The following PBX1 variants were observed in gnomAD, a reference collection of about 807,000 sequenced individuals.
PBX1 encodes the protein pre-B-cell leukemia transcription factor 1.
Under a neutral mutation model 53.4 loss-of-function variants are expected in PBX1, and 6 were observed. The observed-to-expected ratio is 0.11, with a 90% confidence interval of 0.06 to 0.22. PBX1 has a LOEUF of 0.22. Ranked by LOEUF, PBX1 falls within the 10% of genes least tolerant of loss-of-function variation. The probability of loss-of-function intolerance (pLI) is 1.00; values close to 1 mark genes in which losing one functional copy is unlikely to be tolerated. For synonymous variants in PBX1, 204 were observed against 212.3 expected, an observed-to-expected ratio of 0.96 and a Z score of 0.34; for missense variants, 251 against 551.4, an observed-to-expected ratio of 0.46 and a Z score of 5.46.
intron 8 of PBX1, among the ~76,000 whole-genome samples, chr1:164,828,242 C>T (rs1368752952): frequency 6.6e-6 from 1 of 152,020 alleles, no homozygotes; most frequent in Non-Finnish European, 1.5e-5. Context: ...TAAACAGTAT[C>T]ACATTTAGGC....
intron 2 of PBX1, among the ~76,000 whole-genome samples, chr1:164,873,688 T>C (rs747018298): frequency 1.3e-5 from 2 of 152,224 alleles, no homozygotes; most frequent in African/African-American, 2.4e-5. Flanking sequence ...ATATCCTTTT[T>C]GATATTCTCT....
At chr1:164,689,084 C>A (rs1662301402) in intron 2 of PBX1, among the ~76,000 whole-genome samples, 1 of 152,208 alleles carries the variant, frequency 6.6e-6, no homozygotes, top group Non-Finnish European at 1.5e-5. Flanking sequence ...TGGGACTCGC[C>A]AAAGTGTTTA....
At chr1:164,856,579 A>G (rs571300969), downstream of PBX1, among the ~76,000 whole-genome samples, 12 of 152,098 alleles carry the variant, frequency 7.9e-5, no homozygotes, top group African/African-American at 2.9e-4. Context: ...AGGAGCACAC[A>G]CCCAGGCTCA....
intron 2 of PBX1, among the ~76,000 whole-genome samples, chr1:164,857,120 C>G (rs1227627285): frequency 6.6e-6 from 1 of 152,164 alleles, no homozygotes; most frequent in Non-Finnish European, 1.5e-5. Flanking sequence ...CTCAGTCCCA[C>G]AAGCCTGCCC....
At chr1:164,842,564 G>C (rs1190540482) in intron 8 of PBX1, among the ~76,000 whole-genome samples, 1 of 152,038 alleles carries the variant, frequency 6.6e-6, no homozygotes, top group African/African-American at 2.4e-5. Flanking sequence ...CTTCTCTCTT[G>C]GTGAGCTCCA....
intron 2 of PBX1, among the ~76,000 whole-genome samples, chr1:164,716,618 G>A (rs375865584): frequency 6.7e-6 from 1 of 149,236 alleles, no homozygotes; most frequent in South Asian, 2.2e-4. Flanking sequence ...ACTTTGGGAG[G>A]CCAAAGCAGG....
chr1:164,587,240 C>T (rs1655011970), intron 2 of PBX1, among the ~76,000 whole-genome samples: 1 of 152,068 alleles, frequency 6.6e-6, no homozygotes, highest in Non-Finnish European at 1.5e-5. Context: ...TTTTGGTAAT[C>T]CTTATCCTAA....
intron 2 of PBX1, among the ~76,000 whole-genome samples, chr1:164,729,511 A>G (rs1664874300): frequency 6.6e-6 from 1 of 152,236 alleles, no homozygotes; most frequent in East Asian, 1.9e-4. Flanking sequence ...AGACATATAC[A>G]TACATGTAAC....
At chr1:164,580,479 C>G (rs1654533415) in intron 2 of PBX1, among the ~76,000 whole-genome samples, 1 of 151,770 alleles carries the variant, frequency 6.6e-6, no homozygotes, top group African/African-American at 2.4e-5. Context: ...GAGGTTTCAC[C>G]ATGTTGGCCA....
At chr1:164,754,667 G>A (rs999233701) in intron 2 of PBX1, among the ~76,000 whole-genome samples, 5 of 152,176 alleles carry the variant, frequency 3.3e-5, no homozygotes, top group African/African-American at 1.2e-4. Context: ...GGGTGTGTGT[G>A]TACGTGCGTG....
intron 8 of PBX1, among the ~76,000 whole-genome samples, chr1:164,824,187 G>T (rs184605955): frequency 1.2e-4 from 18 of 152,318 alleles, no homozygotes; most frequent in Admixed American, 8.5e-4. Flanking sequence ...GGCTTTCACA[G>T]CACCCATATC....
chr1:164,571,951 G>A (rs2101714321), intron 2 of PBX1, among the ~76,000 whole-genome samples: 1 of 128,368 alleles, frequency 7.8e-6, no homozygotes, highest in Non-Finnish European at 1.6e-5. Context: ...GTGTGTCCCA[G>A]GCAGGAGTGC....
intron 2 of PBX1, chr1:164,563,792 C>T (rs1653236127): frequency 6.5e-6 from 1 of 154,006 alleles, no homozygotes; most frequent in African/African-American, 2.4e-5. Context: ...TTGTCAAATA[C>T]CTTTGTGGAA....
At chr1:164,711,812 C>T (rs1663798722) in intron 2 of PBX1, among the ~76,000 whole-genome samples, 1 of 152,236 alleles carries the variant, frequency 6.6e-6, no homozygotes, top group Non-Finnish European at 1.5e-5. Flanking sequence ...AAGTATTCAG[C>T]CATCGTGTGC....
At chr1:164,601,235 C>CAAAAAA (rs746798555) in intron 2 of PBX1, among the ~76,000 whole-genome samples, 2 of 34,018 alleles carry the variant, frequency 5.9e-5, no homozygotes, top group African/African-American at 9.0e-5. Context: ...GATTCTGTCT[C>CAAAAAA]AAAAAAAAAA....
intron 2 of PBX1, among the ~76,000 whole-genome samples, chr1:164,663,166 C>T (rs1476696424): frequency 1.3e-4 from 19 of 151,886 alleles, no homozygotes; most frequent in Non-Finnish European, 2.6e-4. Flanking sequence ...GCCTGCCTGC[C>T]TTCCTTCCTG....
Position 164,748,785 on chromosome 1 carries a change from A to C in PBX1, c.266-43709A>C, listed in dbSNP as rs147376688. On this transcript the variant is annotated intron_variant, in intron 2 of 8. Transcript: ENST00000420696. ...CTGAGGAGCAAGGTCAACACATTGC[A>C]TCAGACCTCAAATGAAGACTGGAAC... Among the ~76,000 whole-genome samples, 532 of 152,302 alleles carry C rather than the reference A, an allele frequency of 3.5e-3. 2 individuals carry two copies. The highest frequency in any genetic ancestry group is 0.012 in the African/African-American group (515 of 41,558).
chr1:164,599,136 C>G (rs1365333927), intron 2 of PBX1, among the ~76,000 whole-genome samples: 1 of 143,128 alleles, frequency 7.0e-6, no homozygotes, highest in Non-Finnish European at 1.5e-5. Context: ...GATTTTGCCC[C>G]TCTTTTCATT....
intron 2 of PBX1, among the ~76,000 whole-genome samples, chr1:164,617,038 T>C (rs1048829225): frequency 6.6e-6 from 1 of 152,216 alleles, no homozygotes; most frequent in African/African-American, 2.4e-5. Flanking sequence ...TTTCCTGTTA[T>C]AAAATAGTAT....
Sources: allele counts gnomAD v4.1 joint callset (sites outside exome capture counted in the v4.1 genomes callset), GRCh38; gene constraint gnomAD v4.1.1; transcripts MANE v1.5; gene names NCBI Gene and HGNC (gene_info 2026-07-23, HGNC 2026-07-21).